The following THSD7A variants were observed in gnomAD, a reference collection of about 807,000 sequenced individuals.
THSD7A encodes thrombospondin type-1 domain-containing protein 7A.
THSD7A carries 96 observed loss-of-function variants against 231.3 expected under a neutral mutation model. The ratio of observed to expected loss-of-function variants is 0.41; its 90% CI spans 0.35 to 0.49. THSD7A has a LOEUF of 0.49. Ranked by LOEUF, THSD7A falls within the 20% of genes least tolerant of loss-of-function variation. The pLI, the probability that THSD7A is intolerant of heterozygous loss-of-function variation, is 0.05. For missense variants in THSD7A, 2,290 were observed against 2,070.2 expected (o/e 1.11, Z -2.06); for synonymous variants, 940 against 743.3 (o/e 1.26, Z -4.30).
chr7:11,767,759 C>T (rs967772820), intron 1 of THSD7A, among the ~76,000 whole-genome samples: 3 of 152,092 alleles, frequency 2.0e-5, no homozygotes, highest in Non-Finnish European at 4.4e-5. Context: ...AAGAACACCT[C>T]TCCTTGTAGC....
At chr7:11,379,356 A>C in intron 25 of THSD7A, 76 bp from the exon 26 acceptor site, 1 of 1,448,078 alleles carries the variant, frequency 6.9e-7, no homozygotes, top group Non-Finnish European at 9.6e-7. Context: ...CTTGAAGAGA[A>C]GGCTTTAAAC....
chr7:11,706,035 T>G (rs1332517620), intron 1 of THSD7A, among the ~76,000 whole-genome samples: 1 of 151,032 alleles, frequency 6.6e-6, no homozygotes, highest in Non-Finnish European at 1.5e-5. Flanking sequence ...GCTAATATAC[T>G]GTGAAGCCAC....
At chr7:11,726,244 A>G (rs1316487435) in intron 1 of THSD7A, among the ~76,000 whole-genome samples, 1 of 151,980 alleles carries the variant, frequency 6.6e-6, no homozygotes, top group Non-Finnish European at 1.5e-5. Flanking sequence ...AGCTCTGAAT[A>G]AAATATTTTA....
At chr7:11,449,854 C>CTT (rs1319821939) in intron 11 of THSD7A, among the ~76,000 whole-genome samples, 1 of 151,928 alleles carries the variant, frequency 6.6e-6, no homozygotes, top group Non-Finnish European at 1.5e-5. Flanking sequence ...AGATATTAAA[C>CTT]TTTTTACTAA....
At chr7:11,480,660 G>C (rs557090946) in intron 7 of THSD7A, among the ~76,000 whole-genome samples, 2 of 152,040 alleles carry the variant, frequency 1.3e-5, no homozygotes, top group Non-Finnish European at 2.9e-5. Flanking sequence ...TTTCACACAG[G>C]TTGGCTTTTC....
intron 6 of THSD7A, among the ~76,000 whole-genome samples, chr7:11,511,768 T>C (rs1345432028): frequency 6.6e-6 from 1 of 152,204 alleles, no homozygotes; most frequent in Non-Finnish European, 1.5e-5. Context: ...CCTTAAACCT[T>C]ATACAAAAAT....
chr7:11,646,200 A>G (rs1782274094), intron 1 of THSD7A, among the ~76,000 whole-genome samples: 1 of 152,000 alleles, frequency 6.6e-6, no homozygotes, highest in African/African-American at 2.4e-5. Context: ...AAAAAGATCT[A>G]TTTGAACAGT....
At chr7:11,501,176 A>G (rs1232648030) in intron 6 of THSD7A, among the ~76,000 whole-genome samples, 1 of 152,108 alleles carries the variant, frequency 6.6e-6, no homozygotes, top group African/African-American at 2.4e-5. Context: ...CCACACAATA[A>G]TAGTGGGAGA....
chr7:11,479,195 G>A (rs1224742103), intron 7 of THSD7A, among the ~76,000 whole-genome samples: 1 of 152,092 alleles, frequency 6.6e-6, no homozygotes, highest in Non-Finnish European at 1.5e-5. Flanking sequence ...TGAATGTCTG[G>A]GCTGTCCATT....
At chr7:11,820,755 T>G (rs1055898483) in intron 1 of THSD7A, 1 of 1,213,880 alleles carries the variant, frequency 8.2e-7, no homozygotes, top group African/African-American at 1.5e-5. Flanking sequence ...TCTTCTGCTT[T>G]GTAGGAGTGA....
At chr7:11,820,587 C>A (rs1264858180) in intron 1 of THSD7A, 3 of 720,776 alleles carry the variant, frequency 4.2e-6, no homozygotes, top group African/African-American at 1.8e-5. Flanking sequence ...AGAGTAGTTG[C>A]CTCTGTCCTG....
At chr7:11,592,519 A>G (rs1262933734) in intron 3 of THSD7A, among the ~76,000 whole-genome samples, 2 of 152,242 alleles carry the variant, frequency 1.3e-5, no homozygotes, top group Non-Finnish European at 2.9e-5. Flanking sequence ...ATACTGTCAT[A>G]CTGCCAAATG....
chr7:11,599,933 T>A (rs1243124447), intron 2 of THSD7A, among the ~76,000 whole-genome samples: 1 of 151,986 alleles, frequency 6.6e-6, no homozygotes, highest in African/African-American at 2.4e-5. Context: ...CAGAAAAACA[T>A]GAAAAGACTA....
chr7:11,703,475 T>G (rs1266796124), intron 1 of THSD7A, among the ~76,000 whole-genome samples: 2 of 151,236 alleles, frequency 1.3e-5, no homozygotes, highest in Admixed American at 1.3e-4. Flanking sequence ...GTCATTGTAT[T>G]TCCTCTCTCA....
In THSD7A at chr7:11,636,697, C is replaced by T; in HGVS notation, c.455G>A (p.Gly152Asp). 6.2e-7 allele frequency: 1 copy of T among 1,613,990 alleles called. No homozygotes were observed. Among genetic ancestry groups the T allele is most frequent in the Non-Finnish European group, 8.5e-7 (1 of 1,179,892 alleles). ...GCACGCTATCTCCCTCACCTGAATA[C>T]CTTCTTCCCCCTTAATGCACTCAAG... ...KPLECIKGEE[G>D]IQVREIACIQ... Residue 152 changes from glycine (G) to aspartate (D), a missense_variant, in exon 2 of 28, where the codon GGT becomes GAT. Gly to Asp is a moderately conservative substitution (Grantham distance 94). Transcript: ENST00000423059. The surrounding 1 kb of genome is among the most constrained non-coding windows in gnomAD (Gnocchi z 10.0).
intron 6 of THSD7A, among the ~76,000 whole-genome samples, chr7:11,533,945 T>C (rs1190790233): frequency 6.6e-6 from 1 of 152,192 alleles, no homozygotes; most frequent in East Asian, 1.9e-4. Context: ...GTTTTTCTCA[T>C]TTTTGAATGG....
chr7:11,756,460 T>C (rs986752781), intron 1 of THSD7A, among the ~76,000 whole-genome samples: 1 of 152,014 alleles, frequency 6.6e-6, no homozygotes, highest in South Asian at 2.1e-4. Flanking sequence ...GGAGAGAAAT[T>C]CTCTGAGAAG....
At chr7:11,520,476 CTT>C (rs946658744) in intron 6 of THSD7A, among the ~76,000 whole-genome samples, 1 of 152,090 alleles carries the variant, frequency 6.6e-6, no homozygotes, top group Non-Finnish European at 1.5e-5. Flanking sequence ...ACAATTATCT[CTT>C]ATGCATATAC....
At chr7:11,544,719 ACAG>A (rs1789302959) in intron 4 of THSD7A, among the ~76,000 whole-genome samples, 1 of 152,048 alleles carries the variant, frequency 6.6e-6, no homozygotes, top group South Asian at 2.1e-4. Flanking sequence ...TCTTACTACC[ACAG>A]TTTTTGTTCT....
Sources: gnomAD v4.1 joint callset for allele counts (sites outside exome capture counted in the v4.1 genomes callset) on GRCh38, gnomAD v4.1.1 for gene constraint, Gnocchi (gnomAD v3.1) non-coding constraint, MANE v1.5 for transcripts, NCBI Gene and HGNC (gene_info 2026-07-23, HGNC 2026-07-21) for gene names.